Variants in UBE2H observed in about 807,000 individuals in gnomAD.
The protein encoded by UBE2H is ubiquitin-conjugating enzyme E2 H.
UBE2H carries 3 observed loss-of-function variants against 29.0 expected under a neutral mutation model. That is an observed-to-expected ratio of 0.10 (90% confidence interval 0.05 to 0.27). The LOEUF (loss-of-function observed/expected upper bound fraction) is 0.27, where lower values mean the gene tolerates loss of function less well. UBE2H is among the 10% of genes least tolerant of loss of function. UBE2H has a pLI of 1.00. For missense variants in UBE2H, 68 were observed against 228.2 expected, an observed-to-expected ratio of 0.30 and a Z score of 4.52; for synonymous variants, 69 against 82.9, an observed-to-expected ratio of 0.83 and a Z score of 0.91.
chr7:129,927,431 T>C (rs1323885100), intron 1 of UBE2H, among the ~76,000 whole-genome samples: 3 of 152,040 alleles, frequency 2.0e-5, no homozygotes, highest in South Asian at 2.1e-4. Flanking sequence ...TCCCAGCTAC[T>C]TGGGGAGGCT....
In UBE2H at chr7:129,930,845, T is replaced by C. The variant is rs1584793508; in HGVS notation, c.53+21658A>G. 2.2e-5 allele frequency among the ~76,000 whole-genome samples: 3 copies of C among 136,576 alleles called. No individual in the cohort carries two copies. The South Asian group carries it at 7.2e-4, about 33-fold the overall frequency. The allele number at this position is 136,576 out of a possible 152,430, so 89.6% of individuals were successfully genotyped here. ...ATTGCTTAAAGCCAGGAGGCAGGGGTTGCAGTGAGCCGAGATCGCCCCACT... is the reference window on the plus strand; with the variant it reads ...ATTGCTTAAAGCCAGGAGGCAGGGGCTGCAGTGAGCCGAGATCGCCCCACT... On this transcript the variant is annotated intron_variant, in intron 1 of 6. Transcript: ENST00000355621.
rs1259873184 is a variant in UBE2H at position 129,833,065 on chromosome 7, G to C, written c.*1872C>G. The C allele has an allele frequency of 6.6e-6, 1 of 151,576 alleles. No individual in the cohort carries two copies. Among genetic ancestry groups the C allele is most frequent in the African/African-American group, 2.4e-5 (1 of 41,136 alleles). 9.4% of individuals were successfully genotyped at this position (151,576 alleles called of 1,614,324 possible). On this transcript the variant is annotated 3_prime_UTR_variant, in exon 7 of 7. Coordinates refer to ENST00000355621, the MANE Select transcript of UBE2H (RefSeq NM_003344.4). ...GATGCTAGATGGATAACTCAGTACG[G>C]TTAACTAACCACAGCCCTACATCAC...
chr7:129,941,229 G>A (rs1335249951), intron 1 of UBE2H, among the ~76,000 whole-genome samples: 1 of 152,050 alleles, frequency 6.6e-6, no homozygotes, highest in East Asian at 1.9e-4. Context: ...TTTTAGTAGA[G>A]ACAGGGTTTC....
chr7:129,937,022 G>C (rs907735559), intron 1 of UBE2H, among the ~76,000 whole-genome samples: 2 of 150,798 alleles, frequency 1.3e-5, no homozygotes, highest in East Asian at 4.0e-4. Context: ...AAAACACACA[G>C]ACTTGAAAAC....
chr7:129,869,305 G>A (rs924864298), intron 3 of UBE2H, among the ~76,000 whole-genome samples: 4 of 151,904 alleles, frequency 2.6e-5, no homozygotes, highest in Admixed American at 6.6e-5. Context: ...GACATACCCT[G>A]ACCTTTGTCA....
rs138209401 is a variant in UBE2H at position 129,943,506 on chromosome 7, G to A, written c.53+8997C>T. On this transcript the variant is annotated intron_variant, in intron 1 of 6. Coordinates refer to ENST00000355621, the MANE Select transcript of UBE2H (RefSeq NM_003344.4). ...TAGAAATCAATGCTTTAGGCCAAGC[G>A]CCGGGAGGCAGAGGTTGCAGTGAGT... Among the ~76,000 whole-genome samples, 83 of 151,836 alleles carry A rather than the reference G, an allele frequency of 5.5e-4. 3 individuals carry two copies. The South Asian group carries it at 9.6e-3, about 18-fold the overall frequency.
chr7:129,918,117 GCTC>G (rs1301743909), intron 1 of UBE2H, among the ~76,000 whole-genome samples: 2 of 152,150 alleles, frequency 1.3e-5, no homozygotes, highest in East Asian at 1.9e-4. Flanking sequence ...CAAGACAAAT[GCTC>G]CTATTAAAAA....
At chr7:129,877,878 T>C (rs758204304) in intron 3 of UBE2H, among the ~76,000 whole-genome samples, 18 of 152,164 alleles carry the variant, frequency 1.2e-4, no homozygotes, top group Non-Finnish European at 1.9e-4. Flanking sequence ...TTCTATAAGT[T>C]CACTCTTAGT....
chr7:129,877,706 T>C (rs74669325), intron 3 of UBE2H, among the ~76,000 whole-genome samples: 9,438 of 152,290 alleles, frequency 0.062, 367 homozygotes, highest in Non-Finnish European at 0.092. Context: ...GCATCATTAA[T>C]TTAAGAAAGC....
At chr7:129,894,708 C>T (rs1057350943) in intron 1 of UBE2H, among the ~76,000 whole-genome samples, 6 of 152,026 alleles carry the variant, frequency 3.9e-5, no homozygotes, top group African/African-American at 1.4e-4. Flanking sequence ...AGGCTGGTCT[C>T]AAACTCCTGA....
At chr7:129,860,883 G>A (rs1484051130) in intron 3 of UBE2H, among the ~76,000 whole-genome samples, 1 of 152,080 alleles carries the variant, frequency 6.6e-6, no homozygotes, top group Admixed American at 6.5e-5. Flanking sequence ...ACAGGGCCAG[G>A]GTCATGATAG....
intron 1 of UBE2H, among the ~76,000 whole-genome samples, chr7:129,919,721 C>T (rs1191077804): frequency 6.6e-6 from 1 of 152,162 alleles, no homozygotes; most frequent in East Asian, 1.9e-4. Context: ...CATCTCTCTC[C>T]TAGAATGCAA....
At chr7:129,911,831 C>T (rs903899604) in intron 1 of UBE2H, among the ~76,000 whole-genome samples, 2 of 151,922 alleles carry the variant, frequency 1.3e-5, no homozygotes, top group Non-Finnish European at 2.9e-5. Flanking sequence ...TTTGTAGGGA[C>T]GATGTCTTGA....
Position 129,913,022 on chromosome 7 carries a change from G to A in UBE2H, c.54-32051C>T, listed in dbSNP as rs1232025744. On this transcript the variant is annotated intron_variant, in intron 1 of 6. Transcript: ENST00000355621. ...TCCCAGCACTTTCGGAGGCCAAGGC[G>A]GGTGGGTCGCCTGAGGTCAGGAGTT... 3.9e-5 allele frequency among the ~76,000 whole-genome samples: 6 copies of A among 152,220 alleles called. No individual in the cohort carries two copies. In the East Asian group the frequency reaches 9.7e-4, roughly 24 times the overall value.
intron 3 of UBE2H, among the ~76,000 whole-genome samples, chr7:129,871,297 T>C (rs1806024797): frequency 6.6e-6 from 1 of 152,238 alleles, no homozygotes. Flanking sequence ...AATGTTATTT[T>C]CAGAACACCA....
intron 1 of UBE2H, among the ~76,000 whole-genome samples, chr7:129,936,791 C>G (rs1010246546): frequency 3.4e-5 from 5 of 145,262 alleles, no homozygotes; most frequent in African/African-American, 1.0e-4. Context: ...TGGTGAAACC[C>G]CGTCTCTACT....
At chr7:129,855,433 A>G (rs990732067) in intron 5 of UBE2H, among the ~76,000 whole-genome samples, 1 of 152,238 alleles carries the variant, frequency 6.6e-6, no homozygotes, top group African/African-American at 2.4e-5. Flanking sequence ...TACCAAAAAA[A>G]CCATCTTAAA....
chr7:129,932,675 G>A (rs939697227), intron 1 of UBE2H, among the ~76,000 whole-genome samples: 1 of 150,534 alleles, frequency 6.6e-6, no homozygotes, highest in Non-Finnish European at 1.5e-5. Flanking sequence ...TCGGGAGGCT[G>A]AGGCAGAAGA....
At chr7:129,858,469 A>C (rs1399946883) in intron 4 of UBE2H, among the ~76,000 whole-genome samples, 1 of 152,202 alleles carries the variant, frequency 6.6e-6, no homozygotes, top group East Asian at 1.9e-4. Flanking sequence ...ATAAAATATT[A>C]GAAGGAAAGA....
Sources: gnomAD v4.1 joint callset for allele counts (sites outside exome capture counted in the v4.1 genomes callset) on GRCh38, gnomAD v4.1.1 for gene constraint, MANE v1.5 for transcripts, NCBI Gene and HGNC (gene_info 2026-07-23, HGNC 2026-07-21) for gene names.